RGL1: variants seen among roughly 807,000 people sequenced by gnomAD.
The protein encoded by RGL1 is ral guanine nucleotide dissociation stimulator-like 1.
Under a neutral mutation model 95.2 loss-of-function variants are expected in RGL1, and 24 were observed. The observed-to-expected ratio is 0.25, with a 90% CI of 0.18 to 0.35. RGL1 has a LOEUF of 0.35. Among genes scored for constraint, RGL1 ranks in the 10% least tolerant of loss-of-function variants. The pLI, the probability that RGL1 is intolerant of heterozygous loss-of-function variation, is 1.00. For missense variants in RGL1, 715 were observed against 936.3 expected, an observed-to-expected ratio of 0.76 and a Z score of 3.08; for synonymous variants, 329 against 344.9, an observed-to-expected ratio of 0.95 and a Z score of 0.51.
At chr1:183,845,567 C>T (rs1664364809) in intron 2 of RGL1, among the ~76,000 whole-genome samples, 1 of 152,142 alleles carries the variant, frequency 6.6e-6, no homozygotes, top group Non-Finnish European at 1.5e-5. Flanking sequence ...TTAGACTTTG[C>T]AAGTTTCCAG....
intron 3 of RGL1, 59 bp from the exon 4 acceptor site, chr1:183,865,937 G>C: frequency 8.9e-7 from 1 of 1,126,026 alleles, no homozygotes; most frequent in South Asian, 1.2e-5. Flanking sequence ...AAGTTGAATA[G>C]AGTTGCTTTC....
chr1:183,797,588 T>TAA (rs1660764120), intron 2 of RGL1, among the ~76,000 whole-genome samples: 1 of 152,222 alleles, frequency 6.6e-6, no homozygotes, highest in Non-Finnish European at 1.5e-5. Context: ...CTTATAGTAT[T>TAA]TCTGTGATAA....
intron 2 of RGL1, among the ~76,000 whole-genome samples, chr1:183,759,117 A>T (rs1658514445): frequency 6.6e-6 from 1 of 152,168 alleles, no homozygotes; most frequent in South Asian, 2.1e-4. Flanking sequence ...GTGCAGCCAT[A>T]AGAGATACAA....
At chr1:183,745,188 T>C (rs535916949) in intron 2 of RGL1, among the ~76,000 whole-genome samples, 80 of 152,280 alleles carry the variant, frequency 5.3e-4, no homozygotes, top group South Asian at 1.7e-3. Context: ...TCTGTTCTTA[T>C]CCTTTGCTTG....
chr1:183,836,725 G>A (rs182594697), intron 2 of RGL1, among the ~76,000 whole-genome samples: 7 of 152,086 alleles, frequency 4.6e-5, no homozygotes, highest in East Asian at 3.8e-4. Context: ...AATATTATAC[G>A]TGCCAAAAAC....
chr1:183,744,746 G>A (rs967716173), intron 2 of RGL1, among the ~76,000 whole-genome samples: 8 of 151,914 alleles, frequency 5.3e-5, no homozygotes, highest in Non-Finnish European at 7.4e-5. Context: ...CTTTATTCAT[G>A]TTTAACTGCT....
intron 1 of RGL1, among the ~76,000 whole-genome samples, chr1:183,707,789 T>C (rs953232945): frequency 4.0e-4 from 61 of 151,524 alleles, no homozygotes; most frequent in African/African-American, 1.3e-3. Context: ...AAGAGGAGGC[T>C]TGGGGGTTAA....
chr1:183,923,867 G>T (rs1669458152), intron 17 of RGL1, among the ~76,000 whole-genome samples: 1 of 152,166 alleles, frequency 6.6e-6, no homozygotes, highest in Admixed American at 6.5e-5. Context: ...TATCAGTCTT[G>T]TTGTTGGATA....
chr1:183,722,362 A>T (rs2102207818), intron 1 of RGL1, among the ~76,000 whole-genome samples: 1 of 152,240 alleles, frequency 6.6e-6, no homozygotes, highest in South Asian at 2.1e-4. Flanking sequence ...TGACTGACAT[A>T]TGTAAATGGG....
intron 2 of RGL1, among the ~76,000 whole-genome samples, chr1:183,783,949 G>A (rs1185967975): frequency 6.6e-6 from 1 of 152,202 alleles, no homozygotes; most frequent in Non-Finnish European, 1.5e-5. Context: ...GGCATGAATA[G>A]CATACAATGA....
intron 3 of RGL1, among the ~76,000 whole-genome samples, chr1:183,848,603 A>G (rs953141575): frequency 2.6e-5 from 4 of 152,156 alleles, no homozygotes; most frequent in Admixed American, 6.5e-5. Flanking sequence ...TTTGAAAGTA[A>G]TCTGTGCTCA....
At chr1:183,647,955 C>T (rs1244750951) in intron 1 of RGL1, 3 of 1,614,186 alleles carry the variant, frequency 1.9e-6, no homozygotes, top group East Asian at 2.2e-5. Context: ...GAGTTGTCCA[C>T]TCGGCATTTG....
intron 16 of RGL1, among the ~76,000 whole-genome samples, chr1:183,917,898 C>T (rs10752924): frequency 3.9e-5 from 6 of 152,072 alleles, no homozygotes; most frequent in Admixed American, 6.5e-5. Flanking sequence ...GCTGGAGTGT[C>T]GGGGTAGACT....
chr1:183,737,165 G>A (rs78269675), intron 1 of RGL1, among the ~76,000 whole-genome samples: 1 of 152,160 alleles, frequency 6.6e-6, no homozygotes, highest in African/African-American at 2.4e-5. Context: ...GGCATCCATG[G>A]AAGTGATGGA....
chr1:183,776,001 A>G (rs1469302196), intron 2 of RGL1, among the ~76,000 whole-genome samples: 1 of 152,246 alleles, frequency 6.6e-6, no homozygotes, highest in Non-Finnish European at 1.5e-5. Context: ...AGATATTATT[A>G]AATAAAACAT....
intron 1 of RGL1, among the ~76,000 whole-genome samples, chr1:183,660,471 A>G (rs1006538426): frequency 6.6e-6 from 1 of 151,654 alleles, no homozygotes; most frequent in African/African-American, 2.4e-5. Context: ...AGGCCATTAC[A>G]TAATGGTAAA....
chr1:183,753,308 G>T (rs957756681), intron 2 of RGL1, among the ~76,000 whole-genome samples: 3 of 151,964 alleles, frequency 2.0e-5, no homozygotes, highest in Non-Finnish European at 4.4e-5. Context: ...TAGAAGTTTT[G>T]TTTTGTTCTT....
At chr1:183,816,633 A>T (rs1207780679) in intron 2 of RGL1, among the ~76,000 whole-genome samples, 1 of 152,222 alleles carries the variant, frequency 6.6e-6, no homozygotes, top group Non-Finnish European at 1.5e-5. Context: ...ATTTTTTAAT[A>T]TGTAAGTTTT....
intron 2 of RGL1, among the ~76,000 whole-genome samples, chr1:183,747,241 A>G (rs1657699154): frequency 6.6e-6 from 1 of 152,224 alleles, no homozygotes; most frequent in African/African-American, 2.4e-5. Flanking sequence ...GCTGTCTTCC[A>G]CAATGGTTGA....
Sources: gnomAD v4.1 joint callset for allele counts (sites outside exome capture counted in the v4.1 genomes callset) on GRCh38, gnomAD v4.1.1 for gene constraint, MANE v1.5 for transcripts, NCBI Gene and HGNC (gene_info 2026-07-23, HGNC 2026-07-21) for gene names.